ZNF208: variants seen among roughly 807,000 people sequenced by gnomAD.
ZNF208 encodes zinc finger protein 95.
A neutral mutation model predicts 12.1 loss-of-function variants in ZNF208; 10 were observed. The observed-to-expected ratio is 0.83, with a 90% CI of 0.51 to 1.40. The LOEUF (loss-of-function observed/expected upper bound fraction) is 1.40. Ranked by LOEUF, ZNF208 falls within the 40% of genes most tolerant of loss-of-function variation. The probability of loss-of-function intolerance (pLI) is 0.00; values close to 1 mark genes in which losing one functional copy is unlikely to be tolerated. For synonymous variants in ZNF208, 497 were observed against 488.4 expected (o/e 1.02, Z -0.23); for missense variants, 1,652 against 1,485.0 (o/e 1.11, Z -1.85).
At chr19:21,962,803 T>TG (rs1427589946), downstream of ZNF208, among the ~76,000 whole-genome samples, 6 of 152,104 alleles carry the variant, frequency 3.9e-5, no homozygotes, top group African/African-American at 1.4e-4. Flanking sequence ...AAAATGCTTG[T>TG]GGTAGAATCG....
intron 4 of ZNF208, among the ~76,000 whole-genome samples, chr19:21,955,301 G>A (rs774161811): frequency 1.3e-5 from 2 of 152,140 alleles, no homozygotes; most frequent in Non-Finnish European, 2.9e-5. Context: ...TGACGATTAT[G>A]TGTCTTGGAG....
intron 2 of ZNF208, 137 bp from the exon 3 acceptor site, chr19:21,987,448 A>G (rs1970647859): frequency 8.1e-6 from 8 of 986,382 alleles, no homozygotes; most frequent in Non-Finnish European, 9.6e-6. Context: ...ATAAGTTGGG[A>G]AAAAGGCTTA....
In ZNF208 at chr19:21,991,583, A is replaced by G. The variant is rs145552838; in HGVS notation, c.4-2674T>C. On this transcript the variant is annotated intron_variant, in intron 1 of 3. Transcript: ENST00000397126. ...TGGAGAAACCCTGTCTCCACTAAAA[A>G]CACAAAATTAGCCAGGCATGGTGGC... The G allele has an allele frequency of 6.9e-3, 1,052 of 152,134 alleles. 2 individuals are homozygous for G. The highest frequency in any genetic ancestry group is 0.011 in the Non-Finnish European group (775 of 68,026). 9.4% of individuals were successfully genotyped at this position (152,134 alleles called of 1,614,324 possible).
intron 1 of ZNF208, among the ~76,000 whole-genome samples, chr19:21,989,127 T>C (rs1970680288): frequency 6.6e-6 from 1 of 152,004 alleles, no homozygotes; most frequent in South Asian, 2.1e-4. Context: ...ATGGTACATG[T>C]GCAGAATGCG....
At chr19:21,990,071 G>A (rs886716263) in intron 1 of ZNF208, among the ~76,000 whole-genome samples, 4 of 152,092 alleles carry the variant, frequency 2.6e-5, no homozygotes, top group African/African-American at 9.7e-5. Flanking sequence ...TTGCTGTGCA[G>A]AAGCTCTTTA....
At chr19:21,952,755 C>G (rs1969911221) in intron 4 of ZNF208, among the ~76,000 whole-genome samples, 1 of 152,112 alleles carries the variant, frequency 6.6e-6, no homozygotes, top group Non-Finnish European at 1.5e-5. Context: ...ACCAGGGCAC[C>G]TTTTCTCCTC....
Position 21,971,883 on chromosome 19 carries a change from G to GA in ZNF208, c.3150dup (p.His1051SerfsTer10). 1.2e-6 allele frequency: 2 copies of GA among 1,612,726 alleles called. No homozygotes were observed. The highest frequency in any genetic ancestry group is 1.7e-4 in the Middle Eastern group (1 of 6,056). The stretch of plus-strand genomic sequence containing the variant: ...CATTTGTAGGGTTTTTCTCCAGCAT[G>GA]AGTTGCCTTATGTTCAGTAAGGCTT... On this transcript the variant is annotated frameshift_variant, in exon 4 of 4. Transcript: ENST00000397126. LOFTEE classifies it low-confidence loss of function (END_TRUNC).
chr19:22,000,246 C>T (rs751666597), intron 1 of ZNF208, among the ~76,000 whole-genome samples: 4 of 152,090 alleles, frequency 2.6e-5, no homozygotes, highest in African/African-American at 4.8e-5. Flanking sequence ...CGAAAAATAC[C>T]GTAATATATG....
At chr19:21,994,581 A>T (rs1269146487) in intron 1 of ZNF208, among the ~76,000 whole-genome samples, 1 of 152,166 alleles carries the variant, frequency 6.6e-6, no homozygotes, top group Non-Finnish European at 1.5e-5. Flanking sequence ...AGTAAACTTA[A>T]ATCCGAGTTT....
Position 21,974,742 on chromosome 19 carries a change from C to G in ZNF208, c.292G>C (p.Val98Leu), listed in dbSNP as rs117044035. Residue 98 changes from valine to leucine, a missense_variant, in exon 4 of 4, where the codon GTG (valine) becomes CTG (leucine). Physicochemically the swap from Val to Leu is conservative, Grantham distance 32. Around this residue, in one of 3 missense-constraint regions of ZNF208, gnomAD observed 410 missense variants for 378.2 expected, o/e 1.08. Coordinates refer to ENST00000397126, the MANE Select transcript of ZNF208 (RefSeq NM_007153.3). ...EQGIEDSFQKVILRRYEKCGH... is the reference protein window; with the variant it reads ...EQGIEDSFQKLILRRYEKCGH... ...CATTTTTCATACCTTCTCAATATCA[C>G]TTTTTGGAAAGAATCTTCTATGCCC... 2.1e-4 allele frequency: 336 copies of G among 1,611,116 alleles called. 3 individuals carry two copies. The East Asian group carries it at 7.5e-3, about 36-fold the overall frequency.
intron 1 of ZNF208, chr19:21,998,891 AG>A (rs1970888813): frequency 6.6e-6 from 1 of 152,252 alleles, no homozygotes; most frequent in Non-Finnish European, 1.5e-5. Flanking sequence ...AGAATATATT[AG>A]AGCTTGCAAC....
chr19:21,958,837 A>G (rs1411302536), intron 4 of ZNF208, among the ~76,000 whole-genome samples: 1 of 152,108 alleles, frequency 6.6e-6, no homozygotes, highest in Non-Finnish European at 1.5e-5. Flanking sequence ...GAGGAGACTG[A>G]GAGGGATTAG....
chr19:21,942,334 A>G (rs1025634662), intron 4 of ZNF208, among the ~76,000 whole-genome samples: 2 of 152,152 alleles, frequency 1.3e-5, no homozygotes, highest in African/African-American at 4.8e-5. Context: ...TTTATCAGTA[A>G]TTTGGTGTTT....
intron 1 of ZNF208, among the ~76,000 whole-genome samples, chr19:22,007,537 C>T (rs1237100054): frequency 1.4e-5 from 2 of 144,108 alleles, no homozygotes; most frequent in African/African-American, 2.5e-5. Context: ...AAAAGTAACA[C>T]CTGAAAAAAC....
downstream of ZNF208, among the ~76,000 whole-genome samples, chr19:21,961,915 C>G (rs1226022872): frequency 6.6e-6 from 1 of 152,028 alleles, no homozygotes; most frequent in South Asian, 2.1e-4. Flanking sequence ...TTCAAACACA[C>G]GTTTTACAAT....
At chr19:21,976,453 T>G (rs1970431744) in intron 3 of ZNF208, among the ~76,000 whole-genome samples, 1 of 151,314 alleles carries the variant, frequency 6.6e-6, no homozygotes, top group Non-Finnish European at 1.5e-5. Context: ...AGAGACAAGA[T>G]GCAAGAATCA....
In ZNF208 at chr19:21,972,528, T is replaced by C. The variant is rs756778888; in HGVS notation, c.2506A>G (p.Lys836Glu). Residue 836 changes from lysine to glutamate, a missense_variant, in exon 4 of 4, where the codon AAA becomes GAA. Lys to Glu is a moderately conservative substitution (Grantham distance 56, BLOSUM62 1). This residue lies in a region of ZNF208 where 1,239 missense variants were observed against 1,086.2 expected (regional missense o/e 1.14). Coordinates refer to ENST00000397126, the MANE Select transcript of ZNF208 (RefSeq NM_007153.3). Reference protein sequence around the residue: ...IHAGEKPYKCKECGKAFSKFS... With the variant: ...IHAGEKPYKCEECGKAFSKFS... Reference sequence around the variant, plus strand: ...TTACTAAAGGCTTTGCCACATTCTTTACATTTGTAGGGCTTTTCTCCAGCA... The same window carrying C: ...TTACTAAAGGCTTTGCCACATTCTTCACATTTGTAGGGCTTTTCTCCAGCA... 9.3e-6 allele frequency: 15 copies of C among 1,610,116 alleles called. No individual in the cohort carries two copies. Among genetic ancestry groups the C allele is most frequent in the South Asian group, 4.4e-5 (4 of 90,804 alleles).
At chr19:21,976,241 A>C (rs1970428971) in intron 3 of ZNF208, among the ~76,000 whole-genome samples, 1 of 152,230 alleles carries the variant, frequency 6.6e-6, no homozygotes. Context: ...AAGAGCAGAC[A>C]TAATAGGGAA....
At chr19:21,957,931 C>T (rs1970001834) in intron 4 of ZNF208, among the ~76,000 whole-genome samples, 1 of 151,746 alleles carries the variant, frequency 6.6e-6, no homozygotes, top group Non-Finnish European at 1.5e-5. Flanking sequence ...GTGTGCTGCA[C>T]CCATTAACTC....
Sources: allele counts gnomAD v4.1 joint callset (sites outside exome capture counted in the v4.1 genomes callset), GRCh38; gene constraint gnomAD v4.1.1; regional missense constraint gnomAD v4.1.1; transcripts MANE v1.5; gene names NCBI Gene and HGNC (gene_info 2026-07-23, HGNC 2026-07-21).